Variants in RFTN1 observed in about 807,000 individuals in gnomAD.
RFTN1 encodes the protein raftlin.
RFTN1 carries 26 observed loss-of-function variants against 46.5 expected under a neutral mutation model. That is an observed-to-expected ratio of 0.56 (90% CI 0.41 to 0.78). The LOEUF (loss-of-function observed/expected upper bound fraction) is 0.78, where lower values mean the gene tolerates loss of function less well. Ranked by LOEUF, RFTN1 falls within the 30% of genes least tolerant of loss-of-function variation. RFTN1 has a pLI of 0.00. For missense variants in RFTN1, 693 were observed against 718.7 expected, an observed-to-expected ratio of 0.96 and a Z score of 0.41; for synonymous variants, 261 against 284.2, an observed-to-expected ratio of 0.92 and a Z score of 0.82.
chr3:16,464,562 C>G (rs1469358312), intron 2 of RFTN1, among the ~76,000 whole-genome samples: 1 of 152,202 alleles, frequency 6.6e-6, no homozygotes, highest in Non-Finnish European at 1.5e-5. Context: ...TTAGTTCCCC[C>G]CCATATAAAC....
intron 1 of RFTN1, among the ~76,000 whole-genome samples, chr3:16,503,699 T>C (rs2076751863): frequency 1.3e-5 from 2 of 152,160 alleles, no homozygotes; most frequent in African/African-American, 4.8e-5. Context: ...CTCAATCTCT[T>C]GAATCTCTTT....
intron 4 of RFTN1, among the ~76,000 whole-genome samples, chr3:16,391,878 TTTTGTTTTTTTTTTTG>T (rs779737236): frequency 0.43 from 25,096 of 57,996 alleles, 5,853 homozygotes; most frequent in Non-Finnish European, 0.49. Flanking sequence ...TGTTTTTTTT[TTTTGTTTTTTTTTTTG>T]TTTTTTTTAC....
rs1333208853 is a variant in RFTN1 at position 16,376,939 on chromosome 3, C to T, written c.826+779G>A. On this transcript the variant is annotated intron_variant, in intron 5 of 9. Coordinates refer to ENST00000334133, the MANE Select transcript of RFTN1 (RefSeq NM_015150.2). This position sits in a 1 kb window ranked among gnomAD's most constrained non-coding sequence, Gnocchi z 4.7. The stretch of plus-strand genomic sequence containing the variant: ...AACCAGGGAGATCATCCAGAAAGGC[C>T]TAAACAGAAAGCCCTCCTAAGCCCT... 1.3e-5 allele frequency among the ~76,000 whole-genome samples: 2 copies of T among 151,990 alleles called. No homozygotes were observed. The highest frequency in any genetic ancestry group is 2.9e-5 in the Non-Finnish European group (2 of 67,996).
intron 2 of RFTN1, chr3:16,454,822 G>A: frequency 1.0e-6 from 1 of 981,800 alleles, no homozygotes; most frequent in Non-Finnish European, 1.2e-6. Flanking sequence ...CAGGGACTTT[G>A]TCTTGTTCAT....
rs1272551461 is a variant in RFTN1, at chr3:16,391,858, G to GTTTTTT, written c.442-13762_442-13757dup. Among the ~76,000 whole-genome samples the GTTTTTT allele has an allele frequency of 3.7e-3, 180 of 49,134 alleles. 40 individuals carry two copies. The highest frequency in any genetic ancestry group is 0.013 in the East Asian group (8 of 638). 32.2% of individuals were successfully genotyped at this position (49,134 alleles called of 152,430 possible). A position where few individuals can be genotyped will look rare whatever the true frequency, so the allele number is the denominator to read the frequency against. On this transcript the variant is annotated intron_variant, in intron 4 of 9. Transcript: ENST00000334133. ...TAGAGATTATCATTCTAGTGCAAAG[G>GTTTTTT]TTTTTTTTTTGTTTTTTTTTTTTGT...
intron 2 of RFTN1, among the ~76,000 whole-genome samples, chr3:16,439,212 C>T (rs917050428): frequency 1.2e-4 from 19 of 152,192 alleles, no homozygotes; most frequent in Admixed American, 7.8e-4. Context: ...GAACCCTAAC[C>T]TTAAAAATAC....
rs1026997670 is a variant in RFTN1 at position 16,317,490 on chromosome 3, C to G, written c.1333-258G>C. ...GTTCTGTTGGGGCAGAGCAGTATTTCTTTTGACTGGCTCTATACCAAAGGC... is the reference window on the plus strand; with the variant it reads ...GTTCTGTTGGGGCAGAGCAGTATTTGTTTTGACTGGCTCTATACCAAAGGC... On this transcript the variant is annotated intron_variant, in intron 9 of 9. Coordinates refer to ENST00000334133, the MANE Select transcript of RFTN1 (RefSeq NM_015150.2). The surrounding 1 kb of genome is among the most constrained non-coding windows in gnomAD (Gnocchi z 4.3). 6.6e-6 allele frequency among the ~76,000 whole-genome samples: 1 copy of G among 152,134 alleles called. No homozygotes were observed. Among genetic ancestry groups the G allele is most frequent in the African/African-American group, 2.4e-5 (1 of 41,428 alleles).
rs2072088715 is a variant in RFTN1, at chr3:16,351,324, TTCAGGGAAGCCA to T, written c.1146+6596_1146+6607del. Among the ~76,000 whole-genome samples, 1 of 152,140 alleles carries T rather than the reference TTCAGGGAAGCCA, an allele frequency of 6.6e-6. No homozygotes were observed. The highest frequency in any genetic ancestry group is 1.5e-5 in the Non-Finnish European group (1 of 68,022). The stretch of plus-strand genomic sequence containing the variant: ...CAGGAGCCTCCATACATATGAAGCC[TTCAGGGAAGCCA>T]AGGCTGGAAGATCCCCAGAATGAAG... On this transcript the variant is annotated intron_variant, in intron 7 of 9. Coordinates refer to ENST00000334133, the MANE Select transcript of RFTN1 (RefSeq NM_015150.2). This position sits in a 1 kb window ranked among gnomAD's most constrained non-coding sequence, Gnocchi z 5.4.
Position 16,499,189 on chromosome 3 carries a change from T to C in RFTN1, c.-8-5312A>G, listed in dbSNP as rs1011715788. Among the ~76,000 whole-genome samples, 1 of 152,090 alleles carries C rather than the reference T, an allele frequency of 6.6e-6. No homozygotes were observed. The highest frequency in any genetic ancestry group is 2.4e-5 in the African/African-American group (1 of 41,400). On this transcript the variant is annotated intron_variant, in intron 1 of 9. Coordinates refer to ENST00000334133, the MANE Select transcript of RFTN1 (RefSeq NM_015150.2). This position sits in a 1 kb window ranked among gnomAD's most constrained non-coding sequence, Gnocchi z 4.9. ...AGTAAGGTGGAAGGTAAATGGTAAG[T>C]AGGATGGTTTTTAAATGTGGCTCCA...
chr3:16,497,909 G>T (rs774493066), intron 1 of RFTN1, among the ~76,000 whole-genome samples: 1 of 152,142 alleles, frequency 6.6e-6, no homozygotes, highest in Non-Finnish European at 1.5e-5. Flanking sequence ...GAAAGGAGAG[G>T]GTTACCAGGA....
In RFTN1 at chr3:16,338,163, T is replaced by G. The variant is rs1026283525; in HGVS notation, c.1147-11287A>C. 6.6e-6 allele frequency among the ~76,000 whole-genome samples: 1 copy of G among 152,186 alleles called. No homozygotes were observed. The highest frequency in any genetic ancestry group is 2.4e-5 in the African/African-American group (1 of 41,436). ...TGCGGTTTCTCTAACGTCAGTTACT[T>G]GGAAGGCAGAAAGAAGAAAGGGGCT... On this transcript the variant is annotated intron_variant, in intron 7 of 9. Coordinates refer to ENST00000334133, the MANE Select transcript of RFTN1 (RefSeq NM_015150.2). The surrounding 1 kb of genome is among the most constrained non-coding windows in gnomAD (Gnocchi z 5.3).
At chr3:16,324,734 C>T (rs1192674648) in intron 8 of RFTN1, among the ~76,000 whole-genome samples, 1 of 144,532 alleles carries the variant, frequency 6.9e-6, no homozygotes, top group Non-Finnish European at 1.5e-5. Context: ...ATGAGGGACA[C>T]CTAAGTTGTT....
At chr3:16,349,411 A>G (rs935683444) in intron 7 of RFTN1, 4 of 152,292 alleles carry the variant, frequency 2.6e-5, no homozygotes, top group Admixed American at 2.6e-4. Flanking sequence ...GATGGTGACA[A>G]AAGTAAGGCA....
rs1575230821 is a variant in RFTN1 at position 16,403,764 on chromosome 3, T to G, written c.441+5611A>C. On this transcript the variant is annotated intron_variant, in intron 4 of 9. Transcript: ENST00000334133. ...TATTATATATTATATATAAAATATA[T>G]AATATATAATATATATTATATATTT... Among the ~76,000 whole-genome samples the G allele has an allele frequency of 2.3e-4, 4 of 17,578 alleles. 1 individual carries two copies. The highest frequency in any genetic ancestry group is 3.3e-4 in the Non-Finnish European group (4 of 12,248). The allele number at this position is 17,578 out of a possible 152,430, so 11.5% of individuals were successfully genotyped here.
chr3:16,408,138 T>G (rs1363485441), intron 4 of RFTN1, among the ~76,000 whole-genome samples: 1 of 152,174 alleles, frequency 6.6e-6, no homozygotes, highest in Non-Finnish European at 1.5e-5. Flanking sequence ...GACGTTCTTT[T>G]GATTCCCCTC....
chr3:16,316,983 C>G lies in RFTN1; in HGVS notation c.1582G>C (p.Gly528Arg), dbSNP rs575610057. Residue 528 changes from glycine to arginine, a missense_variant, in exon 10 of 10, where the codon GGG (glycine) becomes CGG (arginine). By Grantham distance (125) the Gly-to-Arg change is moderately radical. Transcript: ENST00000334133. This position sits in a 1 kb window ranked among gnomAD's most constrained non-coding sequence, Gnocchi z 4.5. ...ACAGCCTCACCCTCCACACCCACCC[C>G]ACACAGCAGGCCACCAGGGGACAGC... The part of the protein sequence containing the change: ...EQLSPGGLLC[G>R]VGVEGEAVQN... The G allele has an allele frequency of 6.2e-7, 1 of 1,614,102 alleles. No homozygotes were observed. Among genetic ancestry groups the G allele is most frequent in the African/African-American group, 1.3e-5 (1 of 75,038 alleles).
chr3:16,414,931 A>G (rs193054196), intron 3 of RFTN1, among the ~76,000 whole-genome samples: 15 of 152,328 alleles, frequency 9.8e-5, no homozygotes, highest in Admixed American at 5.2e-4. Context: ...TAGTATAGAC[A>G]TTCAGGCCAC....
chr3:16,326,643 GGAGAGTTTACATAA>G (rs1356019674), intron 8 of RFTN1, 116 bp downstream of exon 8: 1 of 679,572 alleles, frequency 1.5e-6, no homozygotes, highest in Non-Finnish European at 2.5e-6. Context: ...CTTCCCAGTG[GGAGAGTTTACATAA>G]CTACCAGCCT....
At chr3:16,390,897 T>C (rs2074328211) in intron 4 of RFTN1, among the ~76,000 whole-genome samples, 1 of 152,250 alleles carries the variant, frequency 6.6e-6, no homozygotes, top group Admixed American at 6.5e-5. Context: ...ACCAGGAATA[T>C]ATTTAAACAT....
Sources: gnomAD v4.1 joint callset for allele counts (sites outside exome capture counted in the v4.1 genomes callset) on GRCh38, gnomAD v4.1.1 for gene constraint, Gnocchi (gnomAD v3.1) non-coding constraint, MANE v1.5 for transcripts, NCBI Gene and HGNC (gene_info 2026-07-23, HGNC 2026-07-21) for gene names.